NIT1: variants seen among roughly 807,000 people sequenced by gnomAD.
The protein encoded by NIT1 is deaminated glutathione amidase.
NIT1 carries 30 observed loss-of-function variants against 36.8 expected under a neutral mutation model. The ratio of observed to expected loss-of-function variants is 0.82; its 90% confidence interval spans 0.61 to 1.11. NIT1 has a LOEUF of 1.11. Among genes scored for constraint, NIT1 ranks in the 50% least tolerant of loss-of-function variants. The pLI, the probability that NIT1 is intolerant of heterozygous loss-of-function variation, is 0.00. For synonymous variants in NIT1, 151 were observed against 155.6 expected (o/e 0.97, Z 0.22); for missense variants, 438 against 410.6 (o/e 1.07, Z -0.58).
chr1:161,120,334 A>G, intron 6 of NIT1, 102 bp downstream of exon 6: 5 of 1,489,970 alleles, frequency 3.4e-6, no homozygotes, highest in Non-Finnish European at 4.6e-6. Context: ...CTAATGGGAA[A>G]ACTCATTCCC....
chr1:161,123,207 G>A (rs778004213), downstream of NIT1: 10 of 1,613,866 alleles, frequency 6.2e-6, no homozygotes, highest in Non-Finnish European at 8.5e-6. Context: ...CACACCACAG[G>A]ATAGTGGGGA....
At position 161,120,909 on chromosome 1, in the gene NIT1, G is replaced by A. The variant is rs952403161; in HGVS notation, c.*144G>A. 36 of 1,433,918 alleles carry A rather than the reference G, an allele frequency of 2.5e-5. No individual in the cohort carries two copies. Among genetic ancestry groups the A allele is most frequent in the Non-Finnish European group, 3.2e-5 (35 of 1,098,264 alleles). The allele number at this position is 1,433,918 out of a possible 1,614,324, so 88.8% of individuals were successfully genotyped here. A position where few individuals can be genotyped will look rare whatever the true frequency, so the allele number is the denominator to read the frequency against. ...GACTCTCTTGATGGAACACAGATGGGCTGCTTGGGAAAGAAACTTTCACCT... is the reference window on the plus strand; with the variant it reads ...GACTCTCTTGATGGAACACAGATGGACTGCTTGGGAAAGAAACTTTCACCT... On this transcript the variant is annotated 3_prime_UTR_variant, in exon 7 of 7. Transcript: ENST00000368009.
At chr1:161,122,865 G>A, downstream of NIT1, 2 of 880,502 alleles carry the variant, frequency 2.3e-6, no homozygotes, top group Non-Finnish European at 3.6e-6. The surrounding 1 kb of genome is among the most constrained non-coding windows in gnomAD (Gnocchi z 4.2). Flanking sequence ...ACATCCCTGT[G>A]ATGTAGTATT....
chr1:161,119,699 G>T, intron 4 of NIT1, 87 bp downstream of exon 4: 1 of 1,586,962 alleles, frequency 6.3e-7, no homozygotes, highest in South Asian at 1.1e-5. Context: ...TTATTTCCTT[G>T]ACCCAAGGAT....
chr1:161,120,901 A>G lies in NIT1; in HGVS notation c.*136A>G. 6.9e-7 allele frequency: 1 copy of G among 1,440,050 alleles called. No individual in the cohort carries two copies. Among genetic ancestry groups the G allele is most frequent in the Non-Finnish European group, 9.1e-7 (1 of 1,101,710 alleles). The allele number at this position is 1,440,050 out of a possible 1,614,324, so 89.2% of individuals were successfully genotyped here. On this transcript the variant is annotated 3_prime_UTR_variant, in exon 7 of 7. Coordinates refer to ENST00000368009, the MANE Select transcript of NIT1 (RefSeq NM_005600.3). ...AGAACCTTGACTCTCTTGATGGAAC[A>G]CAGATGGGCTGCTTGGGAAAGAAAC...
downstream of NIT1, chr1:161,123,185 G>A (rs937796246): frequency 5.0e-6 from 8 of 1,614,174 alleles, no homozygotes; most frequent in Admixed American, 1.7e-5. Context: ...CTGAGGACCC[G>A]AAGTGGGGCA....
Position 161,120,226 on chromosome 1 carries a change from C to T in NIT1, c.711C>T (p.His237=), listed in dbSNP as rs1655303363. ...TTGGATCCATTACAGGCCCAGCCCA[C>T]TGGGAGGTAAGATGATGCCTTTTTA... is the stretch of plus-strand genomic sequence containing the variant. The part of the protein sequence containing the change: ...SAFGSITGPA[H]WEVLLRARAI... Residue 237 remains histidine, a synonymous_variant, in exon 6 of 7, where the codon CAC becomes CAT. Coordinates refer to ENST00000368009, the MANE Select transcript of NIT1 (RefSeq NM_005600.3). 6.2e-7 allele frequency: 1 copy of T among 1,614,088 alleles called. No individual in the cohort carries two copies. Among genetic ancestry groups the T allele is most frequent in the African/African-American group, 1.3e-5 (1 of 75,030 alleles).
At chr1:161,123,504 C>T (rs1398947269), downstream of NIT1, among the ~76,000 whole-genome samples, 10 of 152,032 alleles carry the variant, frequency 6.6e-5, no homozygotes, top group South Asian at 2.1e-4. Context: ...GGCGTGCTGG[C>T]GGGCGCCTGT....
downstream of NIT1, chr1:161,123,162 G>A (rs763229280): frequency 1.5e-5 from 24 of 1,614,040 alleles, no homozygotes; most frequent in Non-Finnish European, 1.9e-5. Flanking sequence ...CGGGCTGGCC[G>A]CTTGCTACAC....
At chr1:161,120,368 TAA>T in intron 6 of NIT1, 129 bp from the exon 7 acceptor site, 1 of 1,452,784 alleles carries the variant, frequency 6.9e-7, no homozygotes. Context: ...CATGAATAGT[TAA>T]AATAGTAAAT....
At chr1:161,124,151 C>G, downstream of NIT1, 1 of 1,613,214 alleles carries the variant, frequency 6.2e-7, no homozygotes, top group Non-Finnish European at 8.5e-7. Context: ...CCCGTCTCCT[C>G]TTGAGGGTGA....
At chr1:161,122,338 G>A, downstream of NIT1, 1 of 1,614,208 alleles carries the variant, frequency 6.2e-7, no homozygotes, top group Non-Finnish European at 8.5e-7. This position sits in a 1 kb window ranked among gnomAD's most constrained non-coding sequence, Gnocchi z 4.2. Flanking sequence ...AATGCATCGA[G>A]GTAGGTGAGC....
chr1:161,120,933 C>T lies in NIT1; in HGVS notation c.*168C>T. 3 of 1,427,644 alleles carry T rather than the reference C, an allele frequency of 2.1e-6. No homozygotes were observed. The highest frequency in any genetic ancestry group is 2.7e-6 in the Non-Finnish European group (3 of 1,094,824). The allele number at this position is 1,427,644 out of a possible 1,614,324, so 88.4% of individuals were successfully genotyped here. On this transcript the variant is annotated 3_prime_UTR_variant, in exon 7 of 7. Coordinates refer to ENST00000368009, the MANE Select transcript of NIT1 (RefSeq NM_005600.3). ...GGCTGCTTGGGAAAGAAACTTTCACCTGAGCTTCACCTGAGGTCAGACTGC... is the reference window on the plus strand; with the variant it reads ...GGCTGCTTGGGAAAGAAACTTTCACTTGAGCTTCACCTGAGGTCAGACTGC...
downstream of NIT1, chr1:161,123,876 A>T (rs1655848745): frequency 6.2e-7 from 1 of 1,613,960 alleles, no homozygotes; most frequent in South Asian, 1.1e-5. Flanking sequence ...GTTCTGGATC[A>T]CTGAGGGCTC....
intron 2 of NIT1, 109 bp downstream of exon 2, chr1:161,118,990 C>A (rs1571198518): frequency 1.5e-6 from 2 of 1,318,626 alleles, no homozygotes; most frequent in Non-Finnish European, 2.2e-6. Context: ...GATTGGTGAG[C>A]CCTACTAGCC....
intron 6 of NIT1, 50 bp from the exon 7 acceptor site, chr1:161,120,449 T>C (rs1655332737): frequency 6.3e-7 from 1 of 1,587,650 alleles, no homozygotes; most frequent in Non-Finnish European, 8.6e-7. Context: ...ACCTGTCACT[T>C]CCCCACTATT....
downstream of NIT1, chr1:161,123,820 G>C (rs371823914): frequency 3.2e-4 from 516 of 1,592,850 alleles, 9 homozygotes; most frequent in South Asian, 5.4e-3. Flanking sequence ...GAAAGCAGGG[G>C]GAGTTAATGT....
At chr1:161,118,460 A>C (rs761276637) in intron 1 of NIT1, 2 of 1,536,170 alleles carry the variant, frequency 1.3e-6, no homozygotes, top group South Asian at 2.4e-5. Flanking sequence ...TGCACAGTCA[A>C]GGAGAGAGTC....
At chr1:161,118,958 A>C in intron 2 of NIT1, 77 bp downstream of exon 2, 6 of 1,332,252 alleles carry the variant, frequency 4.5e-6, no homozygotes, top group Non-Finnish European at 6.5e-6. Flanking sequence ...GAGACACAGG[A>C]GTGTCAACTA....
Sources: allele counts gnomAD v4.1 joint callset (sites outside exome capture counted in the v4.1 genomes callset), GRCh38; gene constraint gnomAD v4.1.1; non-coding constraint Gnocchi (gnomAD v3.1); transcripts MANE v1.5; gene names NCBI Gene and HGNC (gene_info 2026-07-23, HGNC 2026-07-21).